RBMS3: variants seen among roughly 807,000 people sequenced by gnomAD.
RBMS3 encodes the protein RNA-binding motif, single-stranded-interacting protein 3.
RBMS3 carries 27 observed loss-of-function variants against 66.8 expected under a neutral mutation model. The observed-to-expected ratio is 0.40, with a 90% CI of 0.30 to 0.56. RBMS3 has a LOEUF of 0.56. Ranked by LOEUF, RBMS3 falls within the 20% of genes least tolerant of loss-of-function variation. RBMS3 has a pLI of 0.40. For synonymous variants in RBMS3, 188 were observed against 183.0 expected (o/e 1.03, Z -0.22); for missense variants, 513 against 549.5 (o/e 0.93, Z 0.66).
rs17024594 is a variant in RBMS3 at position 29,909,343 on chromosome 3, A to G, written c.939+9588A>G. On this transcript the variant is annotated intron_variant, in intron 10 of 14. Transcript: ENST00000383767. ...TGTCACTGATGTGTGCGTAAAAGTA[A>G]TAATATGCAGTGGAGTAATGTATGA... Among the ~76,000 whole-genome samples the G allele has an allele frequency of 6.6e-3, 998 of 152,276 alleles. 16 individuals carry two copies. The highest frequency in any genetic ancestry group is 0.023 in the African/African-American group (957 of 41,560).
chr3:29,802,878 T>A (rs1355900375), intron 6 of RBMS3, among the ~76,000 whole-genome samples: 1 of 152,152 alleles, frequency 6.6e-6, no homozygotes. Context: ...TTATCCTTAT[T>A]ATAAGACCCT....
intron 1 of RBMS3, among the ~76,000 whole-genome samples, chr3:29,416,551 C>A (rs977824546): frequency 6.7e-6 from 1 of 150,168 alleles, no homozygotes; most frequent in African/African-American, 2.5e-5. Context: ...TTTTTTTTTT[C>A]CTTGCAGTGG....
At chr3:29,994,516 A>G (rs566047967) in intron 14 of RBMS3, among the ~76,000 whole-genome samples, 2,630 of 152,356 alleles carry the variant, frequency 0.017, 29 homozygotes, top group Admixed American at 0.028. Flanking sequence ...ACCTCTGCAG[A>G]CTTAAATGTC....
intron 1 of RBMS3, among the ~76,000 whole-genome samples, chr3:29,382,070 T>C (rs2038786871): frequency 6.6e-6 from 1 of 152,178 alleles, no homozygotes. Flanking sequence ...GGCATTTCCT[T>C]GCAGTTTTGA....
intron 1 of RBMS3, among the ~76,000 whole-genome samples, chr3:29,378,289 A>C (rs2038581236): frequency 6.6e-6 from 1 of 152,100 alleles, no homozygotes; most frequent in South Asian, 2.1e-4. Flanking sequence ...TGGCTAATGC[A>C]GTGAAACCCC....
chr3:29,743,337 A>AT (rs2054724869), intron 5 of RBMS3, among the ~76,000 whole-genome samples: 1 of 152,202 alleles, frequency 6.6e-6, no homozygotes, highest in Admixed American at 6.5e-5. Flanking sequence ...AACAGAGATG[A>AT]TTTCAGTCAC....
chr3:29,862,578 A>AGG (rs1195151998), intron 6 of RBMS3, among the ~76,000 whole-genome samples: 1 of 151,966 alleles, frequency 6.6e-6, no homozygotes, highest in African/African-American at 2.4e-5. Flanking sequence ...GGAGTCAAAG[A>AGG]GGGCTTCCTT....
At chr3:29,694,074 C>T (rs2052157631) in intron 4 of RBMS3, among the ~76,000 whole-genome samples, 1 of 151,972 alleles carries the variant, frequency 6.6e-6, no homozygotes, top group South Asian at 2.1e-4. Flanking sequence ...GCTTCTTGAT[C>T]CTTGGTATTT....
chr3:29,960,550 C>T (rs924860224), intron 12 of RBMS3, among the ~76,000 whole-genome samples: 5 of 152,184 alleles, frequency 3.3e-5, no homozygotes, highest in South Asian at 2.1e-4. Context: ...TGTGGGAACT[C>T]GCACCCCACA....
At chr3:29,345,097 CTATT>C (rs1485976275) in intron 1 of RBMS3, among the ~76,000 whole-genome samples, 1 of 152,178 alleles carries the variant, frequency 6.6e-6, no homozygotes, top group East Asian at 1.9e-4. Flanking sequence ...TACTGCTGTA[CTATT>C]TTCCTTCAAG....
At position 29,281,822 on chromosome 3, in the gene RBMS3, C is replaced by G. The variant is rs2031818026; in HGVS notation, c.75+66C>G. ...TTCTGCACTTGGGATGGGAAACAGA[C>G]AGGCGTGTGAATTATTAGTTAACCC... is the stretch of plus-strand genomic sequence containing the variant. On this transcript the variant is annotated intron_variant, in intron 1 of 14. Transcript: ENST00000383767. The G allele has an allele frequency of 3.6e-6, 5 of 1,374,970 alleles. No individual in the cohort carries two copies. The East Asian group carries it at 7.1e-5, about 20-fold the overall frequency. The allele number at this position is 1,374,970 out of a possible 1,614,324, so 85.2% of individuals were successfully genotyped here.
At chr3:29,843,028 T>C (rs1184044191) in intron 6 of RBMS3, among the ~76,000 whole-genome samples, 2 of 152,212 alleles carry the variant, frequency 1.3e-5, no homozygotes, top group Non-Finnish European at 2.9e-5. Context: ...GAAACTAATA[T>C]ACTTCTTTTA....
chr3:29,395,157 G>A (rs2039488812), intron 1 of RBMS3, among the ~76,000 whole-genome samples: 1 of 152,134 alleles, frequency 6.6e-6, no homozygotes, highest in South Asian at 2.1e-4. Flanking sequence ...AATGTGAAAA[G>A]CATCAGGAGC....
At chr3:29,856,578 A>G (rs1418074955) in intron 6 of RBMS3, among the ~76,000 whole-genome samples, 1 of 152,228 alleles carries the variant, frequency 6.6e-6, no homozygotes, top group Non-Finnish European at 1.5e-5. Context: ...TTGAATCCAT[A>G]TAAGATACCT....
At chr3:29,880,828 C>A in intron 7 of RBMS3, 1 of 1,535,026 alleles carries the variant, frequency 6.5e-7, no homozygotes. Flanking sequence ...GTAGGTGAAT[C>A]TTGTATTCAT....
At chr3:29,995,549 G>T (rs1273228833) in intron 14 of RBMS3, among the ~76,000 whole-genome samples, 5 of 149,348 alleles carry the variant, frequency 3.3e-5, no homozygotes, top group Non-Finnish European at 7.5e-5. Flanking sequence ...AAGCCCATCA[G>T]ACTAACAGCG....
intron 2 of RBMS3, among the ~76,000 whole-genome samples, chr3:29,457,098 G>A (rs1420932948): frequency 1.3e-5 from 2 of 152,174 alleles, no homozygotes; most frequent in South Asian, 4.1e-4. Context: ...CCTGTGGCAT[G>A]AGTTGACACA....
At chr3:29,989,918 A>T (rs1174276335) in intron 13 of RBMS3, among the ~76,000 whole-genome samples, 1 of 152,208 alleles carries the variant, frequency 6.6e-6, no homozygotes, top group African/African-American at 2.4e-5. Flanking sequence ...TACACCAAAG[A>T]CAAATACTTA....
At chr3:29,994,295 G>A (rs537362784) in intron 14 of RBMS3, among the ~76,000 whole-genome samples, 19 of 152,286 alleles carry the variant, frequency 1.2e-4, no homozygotes, top group East Asian at 3.9e-4. Context: ...ACGGAGTCTC[G>A]CTGATTGCTA....
Sources: allele counts gnomAD v4.1 joint callset (sites outside exome capture counted in the v4.1 genomes callset), GRCh38; gene constraint gnomAD v4.1.1; transcripts MANE v1.5; gene names NCBI Gene and HGNC (gene_info 2026-07-23, HGNC 2026-07-21).